The following CACNA2D3 variants were observed in gnomAD, a reference collection of about 807,000 sequenced individuals.
CACNA2D3 encodes the protein voltage-dependent calcium channel subunit alpha-2/delta-3.
A neutral mutation model predicts 160.6 loss-of-function variants in CACNA2D3; 60 were observed. That is an observed-to-expected ratio of 0.37 (90% CI 0.30 to 0.46). The LOEUF is 0.46. CACNA2D3 is among the 20% of genes least tolerant of loss of function. The pLI, the probability that CACNA2D3 is intolerant of heterozygous loss-of-function variation, is 1.00. For missense variants in CACNA2D3, 1,205 were observed against 1,365.0 expected, an observed-to-expected ratio of 0.88 and a Z score of 1.85; for synonymous variants, 558 against 492.9, an observed-to-expected ratio of 1.13 and a Z score of -1.75.
At chr3:54,718,801 A>G (rs897578268) in intron 11 of CACNA2D3, among the ~76,000 whole-genome samples, 21 of 152,134 alleles carry the variant, frequency 1.4e-4, no homozygotes, top group African/African-American at 4.6e-4. Flanking sequence ...GAGTCTTCCA[A>G]TCCATTAACA....
chr3:54,404,764 A>C (rs1193180175), intron 4 of CACNA2D3, among the ~76,000 whole-genome samples: 1 of 152,114 alleles, frequency 6.6e-6, no homozygotes, highest in Admixed American at 6.6e-5. Context: ...GTTAGATCTC[A>C]ATAAAGTTGC....
chr3:54,800,337 A>G (rs543030369), intron 13 of CACNA2D3, among the ~76,000 whole-genome samples: 211 of 152,338 alleles, frequency 1.4e-3, no homozygotes, highest in Non-Finnish European at 2.4e-3. Flanking sequence ...GGACTTTGCC[A>G]AATTTCCATC....
At chr3:54,738,313 C>G (rs960435748) in intron 11 of CACNA2D3, among the ~76,000 whole-genome samples, 1 of 152,126 alleles carries the variant, frequency 6.6e-6, no homozygotes, top group African/African-American at 2.4e-5. Context: ...ACTTACTCTT[C>G]TAGGAAAAGC....
At chr3:54,978,855 G>T (rs139503725) in intron 29 of CACNA2D3, among the ~76,000 whole-genome samples, 157 of 152,294 alleles carry the variant, frequency 1.0e-3, no homozygotes, top group African/African-American at 3.7e-3. Flanking sequence ...ATCAACTGAT[G>T]AGACTAGAAC....
At chr3:54,289,666 G>C (rs1308738846) in intron 2 of CACNA2D3, among the ~76,000 whole-genome samples, 2 of 152,166 alleles carry the variant, frequency 1.3e-5, no homozygotes, top group East Asian at 3.8e-4. Context: ...TATACAACAA[G>C]GCTACAGTAA....
At chr3:54,578,232 T>G (rs1310493433) in intron 8 of CACNA2D3, among the ~76,000 whole-genome samples, 1 of 152,256 alleles carries the variant, frequency 6.6e-6, no homozygotes, top group Non-Finnish European at 1.5e-5. Context: ...ATGTACATTG[T>G]ATCCTTTTCT....
chr3:54,922,235 TC>T (rs916952590), intron 27 of CACNA2D3, among the ~76,000 whole-genome samples: 2 of 152,018 alleles, frequency 1.3e-5, no homozygotes, highest in Non-Finnish European at 2.9e-5. Context: ...GTACTAATTT[TC>T]CCAAAGACCA....
chr3:54,775,992 G>A (rs1702418710), intron 13 of CACNA2D3, among the ~76,000 whole-genome samples: 1 of 152,120 alleles, frequency 6.6e-6, no homozygotes, highest in African/African-American at 2.4e-5. Flanking sequence ...ACAGTTTCCT[G>A]GTCTCCTCCC....
At chr3:54,699,595 A>G (rs1575429231) in intron 11 of CACNA2D3, among the ~76,000 whole-genome samples, 2 of 152,274 alleles carry the variant, frequency 1.3e-5, no homozygotes, top group South Asian at 2.1e-4. Flanking sequence ...GCATTTTAAT[A>G]TAAGGGCACA....
At chr3:54,387,039 G>T (rs543714466) in intron 4 of CACNA2D3, among the ~76,000 whole-genome samples, 9 of 152,228 alleles carry the variant, frequency 5.9e-5, no homozygotes, top group African/African-American at 2.2e-4. Context: ...GAGTTAAATC[G>T]GTCAACTGAC....
At chr3:54,838,071 T>C (rs947785634) in intron 15 of CACNA2D3, among the ~76,000 whole-genome samples, 16 of 152,212 alleles carry the variant, frequency 1.1e-4, no homozygotes, top group African/African-American at 3.9e-4. Context: ...AGAGGCCTAT[T>C]CCTTCACCTT....
intron 2 of CACNA2D3, among the ~76,000 whole-genome samples, chr3:54,254,469 A>G (rs1366899196): frequency 1.3e-5 from 2 of 152,176 alleles, no homozygotes; most frequent in African/African-American, 2.4e-5. Context: ...ACCAAATGCA[A>G]TCTTCCAGTA....
intron 2 of CACNA2D3, among the ~76,000 whole-genome samples, chr3:54,189,112 T>G (rs1700934661): frequency 6.6e-6 from 1 of 152,230 alleles, no homozygotes; most frequent in African/African-American, 2.4e-5. Flanking sequence ...GGGCTGAAAT[T>G]TATTGAAGCA....
chr3:54,484,846 A>AT lies in CACNA2D3; in HGVS notation c.382-18630dup, dbSNP rs368714812. Among the ~76,000 whole-genome samples the AT allele has an allele frequency of 4.7e-3, 681 of 143,904 alleles. 2 individuals carry two copies. The highest frequency in any genetic ancestry group is 0.013 in the African/African-American group (522 of 39,062). The allele number at this position is 143,904 out of a possible 152,430, so 94.4% of individuals were successfully genotyped here. A position where few individuals can be genotyped will look rare whatever the true frequency, so the allele number is the denominator to read the frequency against. ...TGAAGAAGAACCACCTAGGTAGATA[A>AT]TTTTTTTTTTTTTTTTGGGGGATGG... On this transcript the variant is annotated intron_variant, in intron 4 of 37. Transcript: ENST00000474759.
At chr3:54,509,370 G>T (rs918947428) in intron 5 of CACNA2D3, among the ~76,000 whole-genome samples, 7 of 152,052 alleles carry the variant, frequency 4.6e-5, no homozygotes, top group African/African-American at 1.4e-4. Context: ...ACTGACCCCA[G>T]GATGTCAGAA....
At chr3:54,349,464 C>T (rs929316040) in intron 3 of CACNA2D3, among the ~76,000 whole-genome samples, 1 of 152,208 alleles carries the variant, frequency 6.6e-6, no homozygotes, top group South Asian at 2.1e-4. Flanking sequence ...TGTCACACCT[C>T]CTCACCACAG....
At chr3:54,623,324 C>T (rs978684323) in intron 9 of CACNA2D3, among the ~76,000 whole-genome samples, 1 of 152,164 alleles carries the variant, frequency 6.6e-6, no homozygotes, top group Non-Finnish European at 1.5e-5. Context: ...CAGCAATCCT[C>T]ATGGAAAGAG....
intron 17 of CACNA2D3, 85 bp from the exon 18 acceptor site, chr3:54,871,454 C>A: frequency 2.0e-6 from 2 of 994,756 alleles, no homozygotes; most frequent in Non-Finnish European, 3.1e-6. Flanking sequence ...GTCCATGAAA[C>A]AGGACTTGGG....
At chr3:54,878,920 T>G in intron 18 of CACNA2D3, 98 bp from the exon 19 acceptor site, 1 of 645,986 alleles carries the variant, frequency 1.5e-6, no homozygotes, top group Non-Finnish European at 2.6e-6. Flanking sequence ...GAGGTGTAAG[T>G]TCAATATGGA....
Sources: gnomAD v4.1 joint callset for allele counts (sites outside exome capture counted in the v4.1 genomes callset) on GRCh38, gnomAD v4.1.1 for gene constraint, MANE v1.5 for transcripts, NCBI Gene and HGNC (gene_info 2026-07-23, HGNC 2026-07-21) for gene names.